KMT2A: variants seen among roughly 807,000 people sequenced by gnomAD.
KMT2A encodes the protein histone-lysine N-methyltransferase 2A.
In KMT2A, 16 loss-of-function variants were observed where a neutral mutation model predicts 345.3. The observed-to-expected ratio is 0.05, with a 90% CI of 0.03 to 0.07. KMT2A has a LOEUF of 0.07. Among genes scored for constraint, KMT2A ranks in the 10% least tolerant of loss-of-function variants. The probability of loss-of-function intolerance (pLI) is 1.00; values close to 1 mark genes in which losing one functional copy is unlikely to be tolerated. For synonymous variants in KMT2A, 1,599 were observed against 1,778.6 expected, an observed-to-expected ratio of 0.90 and a Z score of 2.54; for missense variants, 3,272 against 4,841.6, an observed-to-expected ratio of 0.68 and a Z score of 9.62.
At chr11:118,482,151 A>G (rs1248127397) in intron 7 of KMT2A, 59 bp downstream of exon 7, 46 of 1,520,314 alleles carry the variant, frequency 3.0e-5, no homozygotes, top group Middle Eastern at 1.9e-4. Flanking sequence ...AAAAGCACTG[A>G]TGTCTCAAAC....
At position 118,501,107 on chromosome 11, in the gene KMT2A, T is replaced by C. The variant is rs782411723; in HGVS notation, c.6279T>C (p.Asp2093=). The change falls in exon 25 of 36, where the codon GAT becomes GAC. Residue 2093 remains aspartate (D), a synonymous_variant. Coordinates refer to ENST00000534358, the MANE Select transcript of KMT2A (RefSeq NM_001197104.2). ...EPDINSTVEH[D]ENRTIAHSPT... ...ATATCAACAGCACTGTTGAACATGA[T>C]GAAAACAGGACCATTGCCCATAGTC... 4 of 1,614,030 alleles carry C rather than the reference T, an allele frequency of 2.5e-6. No homozygotes were observed. Among genetic ancestry groups the C allele is most frequent in the African/African-American group, 2.7e-5 (2 of 74,944 alleles).
At position 118,523,281 on chromosome 11, in the gene KMT2A, T is replaced by C. The variant is rs1951011210; in HGVS notation, c.*1109T>C. 4.4e-6 allele frequency: 1 copy of C among 229,270 alleles called. No individual in the cohort carries two copies. The highest frequency in any genetic ancestry group is 1.8e-4 in the South Asian group (1 of 5,486). 14.2% of individuals were successfully genotyped at this position (229,270 alleles called of 1,614,324 possible). On this transcript the variant is annotated 3_prime_UTR_variant, in exon 36 of 36. Transcript: ENST00000534358. ...TGTTAAGACATAGGAAGACTTAATTTTTAAACGGTCAGTGTCCAGTTGAAG... is the reference window on the plus strand; with the variant it reads ...TGTTAAGACATAGGAAGACTTAATTCTTAAACGGTCAGTGTCCAGTTGAAG...
Position 118,463,628 on chromosome 11 carries a change from A to G in KMT2A, c.433-5147A>G, listed in dbSNP as rs554273231. Among the ~76,000 whole-genome samples, 3 of 152,278 alleles carry G rather than the reference A, an allele frequency of 2.0e-5. No homozygotes were observed. In the South Asian group the frequency reaches 6.2e-4, roughly 32 times the overall value. ...ATATTGTATCTATTATGGTAGGAAA[A>G]CTATTCTACAGCCAGTTTAGACACT... is the stretch of plus-strand genomic sequence containing the variant. On this transcript the variant is annotated intron_variant, in intron 1 of 35. Coordinates refer to ENST00000534358, the MANE Select transcript of KMT2A (RefSeq NM_001197104.2).
In KMT2A at chr11:118,496,258, A is replaced by G; in HGVS notation, c.5558-3A>G. The G allele has an allele frequency of 6.2e-7, 1 of 1,607,718 alleles. No homozygotes were observed. On this transcript the variant is annotated splice_region_variant and splice_polypyrimidine_tract_variant and intron_variant, in intron 19 of 35. Transcript: ENST00000534358. This position sits in a 1 kb window ranked among gnomAD's most constrained non-coding sequence, Gnocchi z 4.7. ...TATTGATGGGAGTCTTTTGGATTTC[A>G]AGGTACTGATAGGAGTCGAGAAGAC...
At chr11:118,443,421 C>T (rs1949354375) in intron 1 of KMT2A, among the ~76,000 whole-genome samples, 1 of 152,196 alleles carries the variant, frequency 6.6e-6, no homozygotes, top group African/African-American at 2.4e-5. Flanking sequence ...TCAGGTTACA[C>T]ACCAGGGGAA....
rs1950379461 is a variant in KMT2A, at chr11:118,494,851, A to G, written c.5363+84A>G. On this transcript the variant is annotated intron_variant, in intron 18 of 35. Coordinates refer to ENST00000534358, the MANE Select transcript of KMT2A (RefSeq NM_001197104.2). The surrounding 1 kb of genome is among the most constrained non-coding windows in gnomAD (Gnocchi z 5.8). ...CATATTTCTAGATTGCAGTTTTCCA[A>G]AAGGTTTTAATACTAGAAATGAATT... 9.2e-7 allele frequency: 1 copy of G among 1,088,350 alleles called. No individual in the cohort carries two copies. Among genetic ancestry groups the G allele is most frequent in the African/African-American group, 1.6e-5 (1 of 64,134 alleles). The allele number at this position is 1,088,350 out of a possible 1,614,324, so 67.4% of individuals were successfully genotyped here.
intron 2 of KMT2A, among the ~76,000 whole-genome samples, chr11:118,469,713 C>G (rs1245987034): frequency 6.6e-6 from 1 of 152,208 alleles, no homozygotes; most frequent in African/African-American, 2.4e-5. Flanking sequence ...TGGATAGACA[C>G]TCCAGCTAAA....
In KMT2A at chr11:118,497,491, G is replaced by T. The variant is rs1032629403; in HGVS notation, c.5665-445G>T. 1.3e-5 allele frequency among the ~76,000 whole-genome samples: 2 copies of T among 152,082 alleles called. No homozygotes were observed. Among genetic ancestry groups the T allele is most frequent in the African/African-American group, 4.8e-5 (2 of 41,400 alleles). ...GCTCACTGCAATCTCGGCTTCCGGG[G>T]CTCAAGTGATCCTCCTACCTCAGCC... On this transcript the variant is annotated intron_variant, in intron 20 of 35. Coordinates refer to ENST00000534358, the MANE Select transcript of KMT2A (RefSeq NM_001197104.2). The surrounding 1 kb of genome is among the most constrained non-coding windows in gnomAD (Gnocchi z 4.8).
rs1242979768 is a variant in KMT2A, at chr11:118,496,969, TTTTTG to T, written c.5664+622_5664+626del. 7.2e-5 allele frequency among the ~76,000 whole-genome samples: 11 copies of T among 152,140 alleles called. No individual in the cohort carries two copies. Among genetic ancestry groups the T allele is most frequent in the Non-Finnish European group, 1.5e-4 (10 of 68,012 alleles). ...CAATTTTTTTAAAAGTTTTTTGTGT[TTTTTG>T]TTTTGTTTTGTTTTGTTTTTTTGAG... On this transcript the variant is annotated intron_variant, in intron 20 of 35. Transcript: ENST00000534358. This position sits in a 1 kb window ranked among gnomAD's most constrained non-coding sequence, Gnocchi z 4.7.
At chr11:118,452,048 A>G (rs1222666077) in intron 1 of KMT2A, among the ~76,000 whole-genome samples, 1 of 152,026 alleles carries the variant, frequency 6.6e-6, no homozygotes, top group Non-Finnish European at 1.5e-5. Context: ...TGTTTTTTTA[A>G]GAGACGAGGT....
Position 118,494,573 on chromosome 11 carries a change from G to C in KMT2A, c.5290-121G>C. 1 of 957,326 alleles carries C rather than the reference G, an allele frequency of 1.0e-6. No individual in the cohort carries two copies. Among genetic ancestry groups the C allele is most frequent in the Non-Finnish European group, 1.6e-6 (1 of 625,932 alleles). 59.3% of individuals were successfully genotyped at this position (957,326 alleles called of 1,614,324 possible). On this transcript the variant is annotated intron_variant, in intron 17 of 35. Transcript: ENST00000534358. This position sits in a 1 kb window ranked among gnomAD's most constrained non-coding sequence, Gnocchi z 5.8. ...CTTGGTGAGGTTGCCAGAGTGGATG[G>C]ATCTTTCTCTTGGTGGCCTGAAATT...
intron 1 of KMT2A, among the ~76,000 whole-genome samples, chr11:118,440,248 T>G (rs1949285235): frequency 6.6e-6 from 1 of 152,212 alleles, no homozygotes; most frequent in African/African-American, 2.4e-5. Context: ...ATAGGAGACT[T>G]GTCCTTCACT....
intron 1 of KMT2A, 120 bp downstream of exon 1, chr11:118,437,064 G>T (rs537829994): frequency 1.7e-6 from 2 of 1,203,326 alleles, no homozygotes. Context: ...CCCTGACCCG[G>T]GGCGAATGGC....
chr11:118,512,431 A>G (rs143558196), intron 31 of KMT2A: 166 of 184,226 alleles, frequency 9.0e-4, no homozygotes, highest in Admixed American at 3.6e-3. Context: ...AATACTTTCC[A>G]GGTTCTTCCC....
chr11:118,502,957 T>C lies in KMT2A; in HGVS notation c.7065T>C (p.Ala2355=). 1.2e-6 allele frequency: 2 copies of C among 1,614,194 alleles called. No individual in the cohort carries two copies. Among genetic ancestry groups the C allele is most frequent in the South Asian group, 1.1e-5 (1 of 91,084 alleles). The change falls in exon 27 of 36, where the codon GCT becomes GCC. Residue 2355 remains alanine, a synonymous_variant. Transcript: ENST00000534358. The surrounding 1 kb of genome is among the most constrained non-coding windows in gnomAD (Gnocchi z 4.9). ...ATGTTAGTAAAATCGGCTCCTTTGC[T>C]GAACCCTCTTCAGTGTCGTTTTCTT... ...ELNVSKIGSF[A]EPSSVSFSSK...
At position 118,510,098 on chromosome 11, in the gene KMT2A, T is replaced by C. The variant is rs1360653065; in HGVS notation, c.11051T>C (p.Ile3684Thr). 1.2e-6 allele frequency: 2 copies of C among 1,613,254 alleles called. No homozygotes were observed. Among genetic ancestry groups the C allele is most frequent in the Non-Finnish European group, 1.7e-6 (2 of 1,179,608 alleles). The change falls in exon 30 of 36, where the codon ATC (isoleucine) becomes ACC (threonine). Residue 3684 changes from isoleucine to threonine, a missense_variant. Around this residue, in one of 27 missense-constraint regions of KMT2A, gnomAD observed 72 missense variants for 135.6 expected, o/e 0.53. Coordinates refer to ENST00000534358, the MANE Select transcript of KMT2A (RefSeq NM_001197104.2). This position sits in a 1 kb window ranked among gnomAD's most constrained non-coding sequence, Gnocchi z 4.1. ...FEISSDDGFQICAESIEDAWK... is the reference protein window; with the variant it reads ...FEISSDDGFQTCAESIEDAWK... Reference sequence around the variant, plus strand: ...ATTTCCAGTGATGATGGCTTTCAGATCTGTGCAGAAAGTATTGAAGGTGAG... The same window carrying C: ...ATTTCCAGTGATGATGGCTTTCAGACCTGTGCAGAAAGTATTGAAGGTGAG...
At position 118,491,325 on chromosome 11, in the gene KMT2A, G is replaced by A. The variant is rs2134339310; in HGVS notation, c.4819+7G>A. On this transcript the variant is annotated splice_region_variant and intron_variant, in intron 14 of 35. Transcript: ENST00000534358. This position sits in a 1 kb window ranked among gnomAD's most constrained non-coding sequence, Gnocchi z 4.2. ...AATCTTTCAGGTACAGAAGGTTGGA[G>A]TCTTTTTATTTCAGTTTTCTTCTTT... 1 of 1,611,234 alleles carries A rather than the reference G, an allele frequency of 6.2e-7. No individual in the cohort carries two copies. Among genetic ancestry groups the A allele is most frequent in the Non-Finnish European group, 8.5e-7 (1 of 1,179,084 alleles).
chr11:118,446,229 A>G (rs1251440126), intron 1 of KMT2A, among the ~76,000 whole-genome samples: 4 of 151,226 alleles, frequency 2.6e-5, no homozygotes, highest in Non-Finnish European at 5.9e-5. Context: ...CACACCTGCA[A>G]TCCCAGCTAC....
At chr11:118,515,914 C>T (rs1035205834) in intron 31 of KMT2A, among the ~76,000 whole-genome samples, 23 of 152,078 alleles carry the variant, frequency 1.5e-4, no homozygotes, top group African/African-American at 5.6e-4. Flanking sequence ...TCTCGAACTT[C>T]TGACCTCAGG....
Sources: gnomAD v4.1 joint callset for allele counts (sites outside exome capture counted in the v4.1 genomes callset) on GRCh38, gnomAD v4.1.1 for gene constraint, gnomAD v4.1.1 regional missense constraint, Gnocchi (gnomAD v3.1) non-coding constraint, MANE v1.5 for transcripts, NCBI Gene and HGNC (gene_info 2026-07-23, HGNC 2026-07-21) for gene names.